Variants in ARHGAP19 observed in about 807,000 individuals in gnomAD.
ARHGAP19 encodes the protein Rho GTPase activating protein 19.
Under a neutral mutation model 60.9 loss-of-function variants are expected in ARHGAP19, and 48 were observed. The ratio of observed to expected loss-of-function variants is 0.79; its 90% CI spans 0.62 to 1.00. The LOEUF (loss-of-function observed/expected upper bound fraction) is 1.00. Among genes scored for constraint, ARHGAP19 ranks in the 50% least tolerant of loss-of-function variants. The probability of loss-of-function intolerance (pLI) is 0.00; values close to 1 mark genes in which losing one functional copy is unlikely to be tolerated. For synonymous variants in ARHGAP19, 209 were observed against 215.5 expected, an observed-to-expected ratio of 0.97 and a Z score of 0.27; for missense variants, 562 against 597.2, an observed-to-expected ratio of 0.94 and a Z score of 0.61.
chr10:97,252,344 C>T (rs1382618306), intron 6 of ARHGAP19, among the ~76,000 whole-genome samples: 3 of 149,250 alleles, frequency 2.0e-5, no homozygotes, highest in Admixed American at 6.7e-5. Context: ...AAAAATAGCC[C>T]GGGCGCGGTG....
chr10:97,276,369 G>C (rs1398723944), intron 1 of ARHGAP19, among the ~76,000 whole-genome samples: 3 of 9,730 alleles, frequency 3.1e-4, no homozygotes, highest in African/African-American at 5.1e-4. Context: ...CGCCCTGTCC[G>C]GGAGGTGGGG....
At chr10:97,274,302 A>G (rs1035602800) in intron 1 of ARHGAP19, among the ~76,000 whole-genome samples, 1 of 151,910 alleles carries the variant, frequency 6.6e-6, no homozygotes, top group Non-Finnish European at 1.5e-5. Flanking sequence ...CGTCTCTACT[A>G]AAAAATACAA....
intron 1 of ARHGAP19, among the ~76,000 whole-genome samples, chr10:97,267,824 T>TGC (rs1842917543): frequency 2.6e-5 from 4 of 152,112 alleles, no homozygotes; most frequent in Non-Finnish European, 5.9e-5. Flanking sequence ...CAAGGGACTG[T>TGC]GCAAAGCAGC....
At chr10:97,269,888 C>T (rs1180693695) in intron 1 of ARHGAP19, among the ~76,000 whole-genome samples, 1 of 152,174 alleles carries the variant, frequency 6.6e-6, no homozygotes, top group Non-Finnish European at 1.5e-5. Flanking sequence ...ACTCAGGATT[C>T]TAACACTTTC....
chr10:97,280,478 C>T (rs1843069630), intron 1 of ARHGAP19, among the ~76,000 whole-genome samples: 1 of 152,000 alleles, frequency 6.6e-6, no homozygotes, highest in Admixed American at 6.6e-5. Flanking sequence ...GGAAAAAGTT[C>T]TATAGGATGC....
chr10:97,267,684 C>G (rs1842915595), intron 1 of ARHGAP19, among the ~76,000 whole-genome samples: 1 of 152,264 alleles, frequency 6.6e-6, no homozygotes, highest in Non-Finnish European at 1.5e-5. Context: ...CACCCGCAGG[C>G]CCAAAACCAC....
intron 7 of ARHGAP19, among the ~76,000 whole-genome samples, chr10:97,244,687 C>A (rs114854303): frequency 0.026 from 3,971 of 152,226 alleles, 158 homozygotes; most frequent in African/African-American, 0.091. Context: ...CTAACAAAAA[C>A]CACACTCCAG....
intron 1 of ARHGAP19, among the ~76,000 whole-genome samples, chr10:97,280,714 C>T (rs1223377592): frequency 1.3e-5 from 2 of 152,020 alleles, no homozygotes; most frequent in East Asian, 3.9e-4. Context: ...CATCAACCTC[C>T]CAAAGTGCTA....
chr10:97,229,303 A>G (rs1850959754), intron 10 of ARHGAP19, 78 bp from the exon 11 acceptor site: 1 of 1,185,058 alleles, frequency 8.4e-7, no homozygotes, highest in South Asian at 1.3e-5. Context: ...CAAATGAATT[A>G]TTTGTTCAAT....
At chr10:97,292,446 G>T in intron 1 of ARHGAP19, 126 bp downstream of exon 1, 1 of 1,269,858 alleles carries the variant, frequency 7.9e-7, no homozygotes, top group Non-Finnish European at 1.1e-6. Context: ...CAGGCGCGAC[G>T]ATGAGAAACG....
At chr10:97,230,273 T>C (rs1010318962) in intron 9 of ARHGAP19, among the ~76,000 whole-genome samples, 3 of 152,068 alleles carry the variant, frequency 2.0e-5, no homozygotes, top group Non-Finnish European at 2.9e-5. Context: ...AAAAAGTCCC[T>C]CCCCCCTACT....
intron 7 of ARHGAP19, among the ~76,000 whole-genome samples, chr10:97,245,635 G>C (rs1589452163): frequency 6.7e-6 from 1 of 148,846 alleles, no homozygotes; most frequent in Non-Finnish European, 1.5e-5. Flanking sequence ...TATCATATCT[G>C]ATCTTGTGAA....
At position 97,266,004 on chromosome 10, in the gene ARHGAP19, A is replaced by G; in HGVS notation, c.178T>C (p.Leu60=). The change falls in exon 2 of 12, where the codon TTG becomes CTG. Residue 60 remains leucine, a synonymous_variant. Coordinates refer to ENST00000358531, the MANE Select transcript of ARHGAP19 (RefSeq NM_032900.6). The part of the protein sequence containing the change: ...RHEKPEIFTE[L]VVSNITRLID... ...AGCCTTGTGATATTGCTGACCACCA[A>G]CTCAGTGAAAATCTCAGGTTTCTCA... 6.2e-7 allele frequency: 1 copy of G among 1,614,126 alleles called. No homozygotes were observed. The highest frequency in any genetic ancestry group is 8.5e-7 in the Non-Finnish European group (1 of 1,180,032).
In ARHGAP19 at chr10:97,246,292, A is replaced by T; in HGVS notation, c.973T>A (p.Ser325Thr). The T allele has an allele frequency of 6.2e-7, 1 of 1,613,940 alleles. No homozygotes were observed. The highest frequency in any genetic ancestry group is 8.5e-7 in the Non-Finnish European group (1 of 1,179,948). The part of the protein sequence containing the change: ...RECARLHYLG[S>T]RTQASKDDLD... ...CTTACCTTTGATGCCTGAGTTCTGG[A>T]TCCCAAATAGTGCAATCTCGCACAC... The change falls in exon 7 of 12, where the codon TCC becomes ACC. Residue 325 changes from serine (S) to threonine (T), a missense_variant. Coordinates refer to ENST00000358531, the MANE Select transcript of ARHGAP19 (RefSeq NM_032900.6).
Position 97,226,073 on chromosome 10 carries a change from C to T in ARHGAP19, c.*49G>A. 6.2e-7 allele frequency: 1 copy of T among 1,604,350 alleles called. No individual in the cohort carries two copies. Among genetic ancestry groups the T allele is most frequent in the Non-Finnish European group, 8.5e-7 (1 of 1,172,826 alleles). ...GCTGTGGGCAGGAATAACACCTGCCCACTAAACAGAAAATTCTGCATGGAC... is the reference window on the plus strand; with the variant it reads ...GCTGTGGGCAGGAATAACACCTGCCTACTAAACAGAAAATTCTGCATGGAC... On this transcript the variant is annotated 3_prime_UTR_variant, in exon 12 of 12. Transcript: ENST00000358531.
chr10:97,245,595 C>CA lies in ARHGAP19; in HGVS notation c.993+676dup, dbSNP rs397845381. Among the ~76,000 whole-genome samples the CA allele has an allele frequency of 6.3e-3, 707 of 112,284 alleles. 5 individuals carry two copies. Among genetic ancestry groups the CA allele is most frequent in the South Asian group, 0.018 (61 of 3,324 alleles). The allele number at this position is 112,284 out of a possible 152,430, so 73.7% of individuals were successfully genotyped here. A position where few individuals can be genotyped will look rare whatever the true frequency, so the allele number is the denominator to read the frequency against. On this transcript the variant is annotated intron_variant, in intron 7 of 11. Transcript: ENST00000358531. ...TACCCAACAGAGCGAAACCCTATCT[C>CA]AAAAAAAAAAAAAAAAAAAAAATCA...
intron 6 of ARHGAP19, among the ~76,000 whole-genome samples, chr10:97,255,405 T>A (rs571347957): frequency 2.0e-5 from 3 of 152,166 alleles, no homozygotes; most frequent in South Asian, 2.1e-4. Flanking sequence ...TGAAACCCTG[T>A]CTCTACAAAA....
intron 1 of ARHGAP19, among the ~76,000 whole-genome samples, chr10:97,283,909 A>AT (rs1345317994): frequency 6.8e-6 from 1 of 147,964 alleles, no homozygotes; most frequent in African/African-American, 2.5e-5. Context: ...CTAGTTTACC[A>AT]TTTTTCTACA....
chr10:97,267,741 C>T (rs946496956), intron 1 of ARHGAP19, among the ~76,000 whole-genome samples: 3 of 152,230 alleles, frequency 2.0e-5, no homozygotes, highest in African/African-American at 7.2e-5. Context: ...AAGCAATGGC[C>T]TGAGCTATAC....
Sources: gnomAD v4.1 joint callset for allele counts (sites outside exome capture counted in the v4.1 genomes callset) on GRCh38, gnomAD v4.1.1 for gene constraint, MANE v1.5 for transcripts, NCBI Gene and HGNC (gene_info 2026-07-23, HGNC 2026-07-21) for gene names.